HTR2C: variants seen among roughly 807,000 people sequenced by gnomAD.
The protein encoded by HTR2C is 5-hydroxytryptamine (serotonin) receptor 2C, G protein-coupled.
In HTR2C, 5 loss-of-function variants were observed where a neutral mutation model predicts 21.0. The observed-to-expected ratio is 0.24, with a 90% CI of 0.12 to 0.50. The LOEUF is 0.50. HTR2C is among the 20% of genes least tolerant of loss of function. The pLI is 0.98. For missense variants in HTR2C, 271 were observed against 371.2 expected (o/e 0.73, Z 2.22); for synonymous variants, 150 against 145.3 (o/e 1.03, Z -0.23).
At chrX:114,842,462 A>G (rs1263874919) in intron 4 of HTR2C, among the ~76,000 whole-genome samples, 1 of 112,423 alleles carries the variant, frequency 8.9e-6, no homozygotes, top group East Asian at 2.8e-4. Context: ...TAGGACAAGT[A>G]ACACTAGACC....
intron 4 of HTR2C, among the ~76,000 whole-genome samples, chrX:114,811,343 T>A (rs2070529625): frequency 9.0e-6 from 1 of 111,675 alleles, no homozygotes; most frequent in Admixed American, 9.5e-5. Context: ...ATACGTTTTT[T>A]TGGAAGATTA....
At chrX:114,877,373 T>A (rs994146540) in intron 5 of HTR2C, among the ~76,000 whole-genome samples, 3 of 110,849 alleles carry the variant, frequency 2.7e-5, no homozygotes, top group Non-Finnish European at 5.7e-5. Context: ...GGTTTGTCCA[T>A]TTTATTTATC....
chrX:114,687,314 A>G (rs1234232835), intron 2 of HTR2C, among the ~76,000 whole-genome samples: 1 of 112,346 alleles, frequency 8.9e-6, no homozygotes, highest in East Asian at 2.8e-4. Context: ...TGCATTATGC[A>G]TTACTTAAAA....
intron 4 of HTR2C, among the ~76,000 whole-genome samples, chrX:114,796,388 G>A (rs1367070718): frequency 9.0e-6 from 1 of 111,624 alleles, no homozygotes; most frequent in African/African-American, 3.3e-5. Flanking sequence ...TAACCTGGCA[G>A]TGTGAATTCC....
chrX:114,885,546 T>C (rs922546147), intron 5 of HTR2C, among the ~76,000 whole-genome samples: 1 of 112,354 alleles, frequency 8.9e-6, no homozygotes, highest in African/African-American at 3.2e-5. Flanking sequence ...GGATATTCAT[T>C]TTTGACATTG....
chrX:114,739,530 A>C (rs1044714455), intron 4 of HTR2C, among the ~76,000 whole-genome samples: 38 of 111,727 alleles, frequency 3.4e-4, no homozygotes, highest in African/African-American at 1.1e-3. Flanking sequence ...GAATACATTA[A>C]GGAGAAAATA....
At chrX:114,760,432 C>A (rs1556431906) in intron 4 of HTR2C, among the ~76,000 whole-genome samples, 2 of 111,856 alleles carry the variant, frequency 1.8e-5, no homozygotes, top group Non-Finnish European at 3.8e-5. Flanking sequence ...TAGACATTAT[C>A]ATAAAATATC....
At chrX:114,798,890 T>C (rs781897613) in intron 4 of HTR2C, among the ~76,000 whole-genome samples, 1 of 110,824 alleles carries the variant, frequency 9.0e-6, no homozygotes, top group South Asian at 3.8e-4. Context: ...GTTAATTAAG[T>C]AGCTAATTAC....
At chrX:114,741,254 C>T (rs1395279261) in intron 4 of HTR2C, among the ~76,000 whole-genome samples, 1 of 108,747 alleles carries the variant, frequency 9.2e-6, no homozygotes, top group Non-Finnish European at 1.9e-5. Flanking sequence ...GGCACGGTGG[C>T]TCATGCCTGT....
intron 5 of HTR2C, among the ~76,000 whole-genome samples, chrX:114,902,740 A>G (rs1376088832): frequency 9.1e-6 from 1 of 110,099 alleles, no homozygotes; most frequent in Non-Finnish European, 1.9e-5. Context: ...CCTCCCGAGT[A>G]CCTGGGATTA....
At position 114,621,144 on chromosome X, in the gene HTR2C, G is replaced by A. The variant is rs925567828; in HGVS notation, c.-80+7263G>A. 3.4e-4 allele frequency among the ~76,000 whole-genome samples: 38 copies of A among 112,426 alleles called. 1 individual carries two copies. Among genetic ancestry groups the A allele is most frequent in the Non-Finnish European group, 1.3e-4 (7 of 53,319 alleles). On this transcript the variant is annotated intron_variant, in intron 2 of 5. Transcript: ENST00000276198. ...GTTCCACCTGTCTCAGCCTTCCAAA[G>A]TGTTGGAATTACAGGCATGAGCTAT... is the stretch of plus-strand genomic sequence containing the variant.
At chrX:114,643,751 AAGT>A (rs1240961993) in intron 2 of HTR2C, among the ~76,000 whole-genome samples, 1 of 111,977 alleles carries the variant, frequency 8.9e-6, no homozygotes, top group East Asian at 2.8e-4. Context: ...TTACTGCTGA[AAGT>A]AGTAGAAACA....
chrX:114,630,878 G>C (rs1227258259), intron 2 of HTR2C: 8 of 370,595 alleles, frequency 2.2e-5, no homozygotes, highest in African/African-American at 2.0e-4. Context: ...TCTCAAAGCT[G>C]GGAGAGTCAC....
intron 2 of HTR2C, among the ~76,000 whole-genome samples, chrX:114,717,422 A>G (rs1556419943): frequency 1.8e-5 from 2 of 112,327 alleles, no homozygotes; most frequent in African/African-American, 6.5e-5. Flanking sequence ...TTTCAGTTTG[A>G]TAGAAAATAT....
At chrX:114,614,449 A>G (rs1378659591) in intron 2 of HTR2C, among the ~76,000 whole-genome samples, 10 of 109,844 alleles carry the variant, frequency 9.1e-5, no homozygotes, top group Non-Finnish European at 1.9e-4. Context: ...TAGTAGAGAC[A>G]GGGTTTCACC....
intron 2 of HTR2C, chrX:114,630,990 T>C (rs1411768011): frequency 7.9e-6 from 2 of 253,413 alleles, no homozygotes; most frequent in Non-Finnish European, 1.6e-5. Context: ...GGCAGCTCAG[T>C]AACTGCTATT....
chrX:114,855,004 TAC>T (rs1443459280), intron 5 of HTR2C, among the ~76,000 whole-genome samples: 1 of 111,954 alleles, frequency 8.9e-6, no homozygotes, highest in Non-Finnish European at 1.9e-5. Flanking sequence ...AGAAATGTTT[TAC>T]AGTTTTTCAA....
chrX:114,670,868 A>G (rs1349216923), intron 2 of HTR2C, among the ~76,000 whole-genome samples: 1 of 112,058 alleles, frequency 8.9e-6, no homozygotes, highest in Non-Finnish European at 1.9e-5. Context: ...AATTTTAACT[A>G]TAGTAGTGTT....
At chrX:114,782,101 A>G (rs1556440757) in intron 4 of HTR2C, among the ~76,000 whole-genome samples, 2 of 98,148 alleles carry the variant, frequency 2.0e-5, no homozygotes, top group African/African-American at 3.8e-5. Context: ...CTCAAAGGGA[A>G]CTATTAAACT....
Sources: gnomAD v4.1 joint callset for allele counts (sites outside exome capture counted in the v4.1 genomes callset) on GRCh38, gnomAD v4.1.1 for gene constraint, MANE v1.5 for transcripts, NCBI Gene and HGNC (gene_info 2026-07-23, HGNC 2026-07-21) for gene names.